SUMF1: variants seen among roughly 807,000 people sequenced by gnomAD.
SUMF1 encodes the protein sulfatase modifying factor 1.
Under a neutral mutation model 47.6 loss-of-function variants are expected in SUMF1, and 48 were observed. That is an observed-to-expected ratio of 1.01 (90% confidence interval 0.80 to 1.28). The LOEUF (loss-of-function observed/expected upper bound fraction) is 1.28. Among genes scored for constraint, SUMF1 ranks in the 50% most tolerant of loss-of-function variants. The pLI is 0.00. For missense variants in SUMF1, 571 were observed against 485.4 expected, an observed-to-expected ratio of 1.18 and a Z score of -1.66; for synonymous variants, 230 against 192.1, an observed-to-expected ratio of 1.20 and a Z score of -1.63.
At chr3:4,372,600 CT>C (rs2125209939) in intron 8 of SUMF1, among the ~76,000 whole-genome samples, 1 of 152,286 alleles carries the variant, frequency 6.6e-6, no homozygotes, top group East Asian at 1.9e-4. Context: ...AAGCTAAGCA[CT>C]GTACCAAGAA....
chr3:4,259,960 C>T (rs1038675833), intron 8 of SUMF1, among the ~76,000 whole-genome samples: 12 of 150,650 alleles, frequency 8.0e-5, no homozygotes, highest in Admixed American at 4.0e-4. Context: ...TTATAGTTGT[C>T]GTGAGTTAGA....
chr3:4,228,134 A>G (rs1696214538), intron 8 of SUMF1, among the ~76,000 whole-genome samples: 1 of 152,088 alleles, frequency 6.6e-6, no homozygotes, highest in South Asian at 2.1e-4. Context: ...GGGTTGGACC[A>G]TGCAGACTAT....
At chr3:4,446,191 C>A (rs1432190271) in intron 3 of SUMF1, among the ~76,000 whole-genome samples, 1 of 152,174 alleles carries the variant, frequency 6.6e-6, no homozygotes. Flanking sequence ...CAAATCTCAT[C>A]TTGAATTATA....
chr3:4,086,801 C>T (rs1374270137), intron 8 of SUMF1, among the ~76,000 whole-genome samples: 1 of 151,932 alleles, frequency 6.6e-6, no homozygotes, highest in Non-Finnish European at 1.5e-5. Context: ...GTGAATAAGT[C>T]TCATGAAATC....
chr3:4,295,211 A>C (rs1697825734), intron 8 of SUMF1, among the ~76,000 whole-genome samples: 1 of 152,076 alleles, frequency 6.6e-6, no homozygotes, highest in African/African-American at 2.4e-5. Flanking sequence ...TACCAGAGTG[A>C]GAATGCCAGG....
chr3:4,121,594 A>G lies in SUMF1; in HGVS notation c.1015-52849T>C, dbSNP rs187235112. Among the ~76,000 whole-genome samples the G allele has an allele frequency of 2.6e-5, 4 of 152,264 alleles. No homozygotes were observed. In the East Asian group the frequency reaches 7.7e-4, roughly 29 times the overall value. On this transcript the variant is annotated intron_variant and NMD_transcript_variant, in intron 8 of 12. Transcript: ENST00000448413. ...AATTTGAAAAGTAAACACATGCTCAAAAAGTTAAACATATAGTTACCATTA... is the reference window on the plus strand; with the variant it reads ...AATTTGAAAAGTAAACACATGCTCAGAAAGTTAAACATATAGTTACCATTA...
chr3:4,438,152 T>C (rs763408308), intron 3 of SUMF1, among the ~76,000 whole-genome samples: 4 of 151,998 alleles, frequency 2.6e-5, no homozygotes, highest in Non-Finnish European at 5.9e-5. Flanking sequence ...ACTATTTTAA[T>C]TATTTCATTT....
In SUMF1 at chr3:4,087,168, C is replaced by T. The variant is rs566238832; in HGVS notation, c.1015-18423G>A. ...GCTGATAAAGGTACTGGAAAGCCAA[C>T]GTGGGGTAGTGAGAATCAGAAGACA... On this transcript the variant is annotated intron_variant and NMD_transcript_variant, in intron 8 of 12. Transcript: ENST00000448413. Among the ~76,000 whole-genome samples the T allele has an allele frequency of 1.4e-4, 22 of 152,232 alleles. No homozygotes were observed. In the East Asian group the frequency reaches 3.5e-3, roughly 24 times the overall value.
chr3:4,312,450 AT>A lies in SUMF1; in HGVS notation c.1014+63879del, dbSNP rs556741876. On this transcript the variant is annotated intron_variant and NMD_transcript_variant, in intron 8 of 12. Coordinates refer to the SUMF1 transcript ENST00000448413. ...TATACATACATAATAATACATATATATGTCCTTATGTGTACCTATATATAAC... is the reference window on the plus strand; with the variant it reads ...TATACATACATAATAATACATATATAGTCCTTATGTGTACCTATATATAAC... Among the ~76,000 whole-genome samples the A allele has an allele frequency of 6.0e-3, 915 of 152,206 alleles. 4 individuals carry two copies. Among genetic ancestry groups the A allele is most frequent in the Middle Eastern group, 0.01 (3 of 294 alleles).
chr3:4,297,797 C>G (rs1697883954), intron 8 of SUMF1, among the ~76,000 whole-genome samples: 1 of 152,064 alleles, frequency 6.6e-6, no homozygotes, highest in South Asian at 2.1e-4. Context: ...TCATCACTGG[C>G]TACAAAGTAC....
intron 8 of SUMF1, among the ~76,000 whole-genome samples, chr3:4,088,997 C>G (rs111546287): frequency 1.3e-5 from 2 of 152,190 alleles, no homozygotes; most frequent in African/African-American, 2.4e-5. Flanking sequence ...TCTCAAGGAG[C>G]CCACAGTCCA....
At chr3:4,136,086 A>G (rs1693922097) in intron 8 of SUMF1, among the ~76,000 whole-genome samples, 1 of 152,170 alleles carries the variant, frequency 6.6e-6, no homozygotes, top group Non-Finnish European at 1.5e-5. Flanking sequence ...ATCCCCATCA[A>G]GCTACCAATG....
intron 8 of SUMF1, among the ~76,000 whole-genome samples, chr3:4,088,739 A>G (rs1199839513): frequency 6.6e-6 from 1 of 152,082 alleles, no homozygotes; most frequent in Non-Finnish European, 1.5e-5. Flanking sequence ...TTTATTGCAC[A>G]TAGTTTCTTC....
At chr3:4,106,761 A>G (rs1693167263) in intron 8 of SUMF1, among the ~76,000 whole-genome samples, 1 of 152,088 alleles carries the variant, frequency 6.6e-6, no homozygotes, top group Non-Finnish European at 1.5e-5. Flanking sequence ...AAAAAGATCT[A>G]TTCTTCAATT....
At chr3:4,279,199 T>C (rs1368432302) in intron 8 of SUMF1, among the ~76,000 whole-genome samples, 1 of 152,164 alleles carries the variant, frequency 6.6e-6, no homozygotes, top group Non-Finnish European at 1.5e-5. Flanking sequence ...TTATTAGTAT[T>C]ACACTGAAGT....
chr3:4,308,050 G>T (rs77596407), intron 8 of SUMF1, among the ~76,000 whole-genome samples: 118 of 151,954 alleles, frequency 7.8e-4, no homozygotes, highest in Admixed American at 6.4e-3. Context: ...CCCATTCTCC[G>T]TGTCCTTTAT....
chr3:4,071,418 C>G (rs1424510594), intron 8 of SUMF1, among the ~76,000 whole-genome samples: 3 of 152,154 alleles, frequency 2.0e-5, no homozygotes, highest in African/African-American at 7.2e-5. Context: ...GAGACTGTAA[C>G]AGGAGGAACA....
intron 8 of SUMF1, among the ~76,000 whole-genome samples, chr3:4,292,855 C>T (rs1252641225): frequency 1.3e-5 from 2 of 152,154 alleles, no homozygotes; most frequent in Non-Finnish European, 2.9e-5. Flanking sequence ...AAAAGACACA[C>T]ATATTTCATC....
At chr3:4,038,162 G>C (rs1694835434) in intron 9 of SUMF1, among the ~76,000 whole-genome samples, 1 of 152,204 alleles carries the variant, frequency 6.6e-6, no homozygotes, top group Non-Finnish European at 1.5e-5. Context: ...GGAGGCAGCA[G>C]AGGAAGAGGC....
Sources: allele counts gnomAD v4.1 joint callset (sites outside exome capture counted in the v4.1 genomes callset), GRCh38; gene constraint gnomAD v4.1.1; transcripts MANE v1.5; gene names NCBI Gene and HGNC (gene_info 2026-07-23, HGNC 2026-07-21).